ADAMTS16: variants seen among roughly 807,000 people sequenced by gnomAD.
ADAMTS16 encodes A disintegrin and metalloproteinase with thrombospondin motifs 16.
In ADAMTS16, 94 loss-of-function variants were observed where a neutral mutation model predicts 145.8. That is an observed-to-expected ratio of 0.64 (90% CI 0.55 to 0.77). The LOEUF is 0.77. Among genes scored for constraint, ADAMTS16 ranks in the 30% least tolerant of loss-of-function variants. The pLI is 0.00. For synonymous variants in ADAMTS16, 659 were observed against 604.3 expected (o/e 1.09, Z -1.33); for missense variants, 1,585 against 1,591.5 (o/e 1.00, Z 0.07).
intron 11 of ADAMTS16, among the ~76,000 whole-genome samples, chr5:5,228,015 T>C (rs1171667122): frequency 1.3e-5 from 2 of 152,250 alleles, no homozygotes; most frequent in Non-Finnish European, 1.5e-5. Context: ...TATGCTGTCA[T>C]TTATCAAAGA....
chr5:5,278,995 C>T (rs576734137), intron 18 of ADAMTS16, among the ~76,000 whole-genome samples: 5 of 152,198 alleles, frequency 3.3e-5, no homozygotes, highest in African/African-American at 9.6e-5. Flanking sequence ...TGTAGGTAGA[C>T]TGAATAGAAA....
At chr5:5,307,497 G>A (rs1293659965) in intron 21 of ADAMTS16, among the ~76,000 whole-genome samples, 9 of 152,172 alleles carry the variant, frequency 5.9e-5, no homozygotes, top group South Asian at 2.1e-4. Context: ...GGAAGCAGGC[G>A]GAAGGGAATA....
intron 10 of ADAMTS16, among the ~76,000 whole-genome samples, chr5:5,220,316 C>G (rs376780931): frequency 0.014 from 2,049 of 150,458 alleles, 44 homozygotes; most frequent in African/African-American, 0.047. Flanking sequence ...CCCGCCACCA[C>G]GCCTGGCTAA....
rs1000110553 is a variant in ADAMTS16, at chr5:5,256,512, C to G, written c.2663-6145C>G. Among the ~76,000 whole-genome samples, 9 of 152,308 alleles carry G rather than the reference C, an allele frequency of 5.9e-5. No homozygotes were observed. The East Asian group carries it at 1.7e-3, about 29-fold the overall frequency. The stretch of plus-strand genomic sequence containing the variant: ...CATGACTTACTAGATCCAGACTTCC[C>G]TGTTATCCAATTAACAGGTAAATTT... On this transcript the variant is annotated intron_variant, in intron 17 of 22. Coordinates refer to ENST00000274181, the MANE Select transcript of ADAMTS16 (RefSeq NM_139056.4).
At chr5:5,192,203 C>T (rs1735678983) in intron 8 of ADAMTS16, among the ~76,000 whole-genome samples, 1 of 152,102 alleles carries the variant, frequency 6.6e-6, no homozygotes. Flanking sequence ...AGGCTGTGCA[C>T]ATTTGAAAGC....
At chr5:5,311,310 AAAAAAAAC>A (rs1561005028) in intron 21 of ADAMTS16, among the ~76,000 whole-genome samples, 234 of 144,782 alleles carry the variant, frequency 1.6e-3, no homozygotes, top group Middle Eastern at 3.6e-3. Context: ...CAAAAAAAAA[AAAAAAAAC>A]AAAAAAACAA....
chr5:5,239,743 GTC>G lies in ADAMTS16; in HGVS notation c.2345_2346del (p.Ser782TyrfsTer41), dbSNP rs1737225671. 1 of 1,613,928 alleles carries G rather than the reference GTC, an allele frequency of 6.2e-7. No individual in the cohort carries two copies. The highest frequency in any genetic ancestry group is 1.3e-5 in the African/African-American group (1 of 74,886). ...ARSIRIYEMN[V>X]STSYISVRNA... ...GAGTATCCGCATCTATGAAATGAACGTCTCTACCTCCTACATTTCTGTGCGCA... is the reference window on the plus strand; with the variant it reads ...GAGTATCCGCATCTATGAAATGAACGTCTACCTCCTACATTTCTGTGCGCA... On this transcript the variant is annotated frameshift_variant, in exon 16 of 23. Transcript: ENST00000274181. LOFTEE classifies it high-confidence loss of function.
intron 18 of ADAMTS16, among the ~76,000 whole-genome samples, chr5:5,299,681 A>G (rs1301287828): frequency 1.3e-5 from 2 of 152,132 alleles, no homozygotes; most frequent in East Asian, 3.9e-4. Context: ...GAGAGCCACA[A>G]AGGAGCACCC....
intron 14 of ADAMTS16, among the ~76,000 whole-genome samples, chr5:5,237,782 C>A (rs1737151579): frequency 6.6e-6 from 1 of 151,988 alleles, no homozygotes; most frequent in Non-Finnish European, 1.5e-5. Flanking sequence ...GGCGGGCAGA[C>A]AGGGATGCAG....
chr5:5,258,447 C>T (rs1412703801), intron 17 of ADAMTS16, among the ~76,000 whole-genome samples: 4 of 152,250 alleles, frequency 2.6e-5, no homozygotes, highest in African/African-American at 4.8e-5. Context: ...CAGCCACGGA[C>T]CTGCTGCAGC....
At chr5:5,212,189 G>GTTTTT (rs200419820) in intron 10 of ADAMTS16, among the ~76,000 whole-genome samples, 3 of 98,718 alleles carry the variant, frequency 3.0e-5, no homozygotes, top group East Asian at 7.4e-4. Context: ...TAGTTTCTGG[G>GTTTTT]GTTTTTTTTG....
intron 3 of ADAMTS16, among the ~76,000 whole-genome samples, chr5:5,148,215 G>T (rs1462424694): frequency 6.6e-6 from 1 of 152,088 alleles, no homozygotes; most frequent in African/African-American, 2.4e-5. Flanking sequence ...CTGATATTTT[G>T]TCCATAGATG....
At chr5:5,148,524 C>A (rs1734363262) in intron 3 of ADAMTS16, among the ~76,000 whole-genome samples, 1 of 152,144 alleles carries the variant, frequency 6.6e-6, no homozygotes, top group African/African-American at 2.4e-5. Flanking sequence ...AGTTGTGAAA[C>A]AATGCAATTT....
rs115904011 is a variant in ADAMTS16, at chr5:5,296,034, C to T, written c.2790-7234C>T. Among the ~76,000 whole-genome samples the T allele has an allele frequency of 7.3e-3, 1,113 of 152,314 alleles. 19 individuals carry two copies. The highest frequency in any genetic ancestry group is 0.025 in the African/African-American group (1,038 of 41,568). On this transcript the variant is annotated intron_variant, in intron 18 of 22. Coordinates refer to ENST00000274181, the MANE Select transcript of ADAMTS16 (RefSeq NM_139056.4). The stretch of plus-strand genomic sequence containing the variant: ...GAGTTGTTTAGGAGGCTTGCAAGAA[C>T]GTTAATATTGGAGACCATTACCTTT...
At chr5:5,229,364 C>T (rs2399737) in intron 11 of ADAMTS16, among the ~76,000 whole-genome samples, 114,338 of 150,380 alleles carry the variant, frequency 0.76, 43,980 homozygotes, top group African/African-American at 0.89. Flanking sequence ...AAATAGAGAA[C>T]GTTAGGTTCC....
At chr5:5,248,134 T>C (rs1737509247) in intron 17 of ADAMTS16, among the ~76,000 whole-genome samples, 1 of 152,248 alleles carries the variant, frequency 6.6e-6, no homozygotes, top group African/African-American at 2.4e-5. Flanking sequence ...GTAATTTTGC[T>C]TACAGAATTC....
intron 18 of ADAMTS16, among the ~76,000 whole-genome samples, chr5:5,273,649 G>A (rs1560981435): frequency 6.6e-6 from 1 of 152,220 alleles, no homozygotes; most frequent in East Asian, 1.9e-4. Context: ...CTGATTCTGA[G>A]GTATAAAAGA....
chr5:5,240,422 C>G (rs1203363628), intron 16 of ADAMTS16, among the ~76,000 whole-genome samples: 1 of 152,232 alleles, frequency 6.6e-6, no homozygotes, highest in African/African-American at 2.4e-5. Flanking sequence ...GGGTCACCCC[C>G]TGAACCGAGC....
intron 16 of ADAMTS16, among the ~76,000 whole-genome samples, 156 bp downstream of exon 16, chr5:5,240,081 A>C (rs2059799): frequency 0.13 from 20,545 of 152,218 alleles, 1,464 homozygotes; most frequent in East Asian, 0.22. Context: ...GCTTGTTTTT[A>C]TCATCATTCA....
Sources: allele counts gnomAD v4.1 joint callset (sites outside exome capture counted in the v4.1 genomes callset), GRCh38; gene constraint gnomAD v4.1.1; transcripts MANE v1.5; gene names NCBI Gene and HGNC (gene_info 2026-07-23, HGNC 2026-07-21).